ASTN2: variants seen among roughly 807,000 people sequenced by gnomAD.
ASTN2 encodes astrotactin-2.
Under a neutral mutation model 139.8 loss-of-function variants are expected in ASTN2, and 54 were observed. The observed-to-expected ratio is 0.39, with a 90% confidence interval of 0.31 to 0.48. ASTN2 has a LOEUF of 0.48. ASTN2 is among the 20% of genes least tolerant of loss of function. The pLI is 0.95. For missense variants in ASTN2, 1,565 were observed against 1,725.1 expected (o/e 0.91, Z 1.64); for synonymous variants, 756 against 719.5 (o/e 1.05, Z -0.81).
intron 3 of ASTN2, among the ~76,000 whole-genome samples, chr9:117,170,736 C>T (rs1325236693): frequency 6.6e-6 from 1 of 152,072 alleles, no homozygotes; most frequent in African/African-American, 2.4e-5. Context: ...AGATGAAACA[C>T]CTTGAGGCAG....
At chr9:116,784,943 A>T (rs1011839865) in intron 13 of ASTN2, among the ~76,000 whole-genome samples, 6 of 151,998 alleles carry the variant, frequency 3.9e-5, no homozygotes, top group Non-Finnish European at 5.9e-5. Context: ...AAAAAAAAAA[A>T]AAAAAAATAA....
At chr9:116,432,051 T>G (rs892293068) in intron 22 of ASTN2, among the ~76,000 whole-genome samples, 2 of 152,188 alleles carry the variant, frequency 1.3e-5, no homozygotes, top group African/African-American at 4.8e-5. Context: ...TAGCAGGCGT[T>G]TGTCATTGTT....
At chr9:116,677,955 T>C (rs988015634) in intron 16 of ASTN2, among the ~76,000 whole-genome samples, 1 of 152,212 alleles carries the variant, frequency 6.6e-6, no homozygotes, top group South Asian at 2.1e-4. Context: ...TCTATTTATA[T>C]GTGTTGTATG....
chr9:117,186,273 G>A (rs1032278711), intron 3 of ASTN2, among the ~76,000 whole-genome samples: 2 of 152,190 alleles, frequency 1.3e-5, no homozygotes, highest in Admixed American at 6.5e-5. Context: ...CTGGCCGGGC[G>A]CGGTGGCCCA....
At chr9:116,644,608 T>C (rs1393627488) in intron 17 of ASTN2, among the ~76,000 whole-genome samples, 4 of 152,188 alleles carry the variant, frequency 2.6e-5, no homozygotes, top group African/African-American at 9.7e-5. Context: ...GTTCTTAGTT[T>C]TACTATCTGT....
intron 1 of ASTN2, among the ~76,000 whole-genome samples, chr9:117,341,864 T>C (rs749958369): frequency 5.3e-5 from 8 of 152,174 alleles, no homozygotes; most frequent in Non-Finnish European, 7.3e-5. Context: ...GTGTGCCATA[T>C]ACACTCAATT....
chr9:117,061,155 A>G (rs1397521047), intron 5 of ASTN2, among the ~76,000 whole-genome samples: 1 of 137,664 alleles, frequency 7.3e-6, no homozygotes, highest in East Asian at 2.0e-4. Context: ...TTATTTATTT[A>G]TTTATTTATT....
chr9:117,135,932 G>C (rs971917663), intron 4 of ASTN2, among the ~76,000 whole-genome samples: 1 of 152,166 alleles, frequency 6.6e-6, no homozygotes, highest in African/African-American at 2.4e-5. Flanking sequence ...AATGGGTTGG[G>C]GGTCAGGAGT....
chr9:117,158,005 A>T (rs1256175865), intron 3 of ASTN2, among the ~76,000 whole-genome samples: 1 of 152,088 alleles, frequency 6.6e-6, no homozygotes, highest in African/African-American at 2.4e-5. Flanking sequence ...ATGTATTGGC[A>T]TTTAGCACAG....
chr9:116,845,124 C>CT (rs923689636), intron 11 of ASTN2, among the ~76,000 whole-genome samples: 2 of 151,970 alleles, frequency 1.3e-5, no homozygotes, highest in Non-Finnish European at 2.9e-5. Flanking sequence ...ACCATTCTTT[C>CT]TTTTTTTTGA....
At chr9:117,089,367 C>T (rs1249224212) in intron 5 of ASTN2, among the ~76,000 whole-genome samples, 1 of 152,140 alleles carries the variant, frequency 6.6e-6, no homozygotes, top group Non-Finnish European at 1.5e-5. Flanking sequence ...CACTAGTAAC[C>T]TACTACATTA....
chr9:117,025,872 C>T (rs1021187830), intron 6 of ASTN2, among the ~76,000 whole-genome samples: 54 of 151,276 alleles, frequency 3.6e-4, no homozygotes, highest in African/African-American at 1.3e-3. Flanking sequence ...GCTCACTGCA[C>T]CCTCCACCTC....
chr9:116,431,735 A>T (rs1191792116), intron 22 of ASTN2, among the ~76,000 whole-genome samples: 1 of 152,130 alleles, frequency 6.6e-6, no homozygotes, highest in Non-Finnish European at 1.5e-5. Context: ...ATTATTTTAC[A>T]TCTAATCCCT....
intron 19 of ASTN2, among the ~76,000 whole-genome samples, chr9:116,517,354 T>A (rs753680972): frequency 1.1e-4 from 16 of 152,168 alleles, no homozygotes; most frequent in Non-Finnish European, 2.1e-4. Context: ...TTGCAGACAC[T>A]CTTCAGCACC....
At chr9:116,947,923 T>C (rs1225706368) in intron 10 of ASTN2, among the ~76,000 whole-genome samples, 1 of 151,362 alleles carries the variant, frequency 6.6e-6, no homozygotes, top group Non-Finnish European at 1.5e-5. Flanking sequence ...TTTTAATAGG[T>C]AATGTCTTTT....
intron 16 of ASTN2, among the ~76,000 whole-genome samples, chr9:116,681,636 T>G (rs1859873500): frequency 6.6e-6 from 1 of 152,150 alleles, no homozygotes; most frequent in African/African-American, 2.4e-5. Context: ...ACTACAAGGC[T>G]ACAGTAACCA....
chr9:116,494,223 C>T (rs1484648878), intron 19 of ASTN2, among the ~76,000 whole-genome samples: 1 of 152,022 alleles, frequency 6.6e-6, no homozygotes, highest in Admixed American at 6.6e-5. Flanking sequence ...GCCAGACCTA[C>T]CACTTATGAA....
intron 13 of ASTN2, among the ~76,000 whole-genome samples, chr9:116,735,641 A>G (rs1393661187): frequency 6.6e-6 from 1 of 152,188 alleles, no homozygotes. Flanking sequence ...ATGCAGAATA[A>G]TCAGTGGGGG....
chr9:116,449,000 GA>G (rs920333545), intron 20 of ASTN2, among the ~76,000 whole-genome samples: 14 of 152,312 alleles, frequency 9.2e-5, no homozygotes, highest in African/African-American at 2.4e-4. Flanking sequence ...GCAGAGGTTA[GA>G]ATAGACACTG....
Sources: allele counts gnomAD v4.1 joint callset (sites outside exome capture counted in the v4.1 genomes callset), GRCh38; gene constraint gnomAD v4.1.1; transcripts MANE v1.5; gene names NCBI Gene and HGNC (gene_info 2026-07-23, HGNC 2026-07-21).